Variants in CFAP96 observed in about 807,000 individuals in gnomAD.
The protein encoded by CFAP96 is cilia-and flagella-associated protein 96.
chr4:185,413,784 T>C, the CFAP96 span: 1 of 1,613,620 alleles, frequency 6.2e-7, no homozygotes, highest in South Asian at 1.1e-5. Context: ...AATGTAACCA[T>C]CTTTGTATGG....
At chr4:185,418,464 T>C in the CFAP96 span, 2 of 1,610,666 alleles carry the variant, frequency 1.2e-6, no homozygotes, top group East Asian at 2.2e-5. Flanking sequence ...TTTTTGTCCT[T>C]CTTTCTCATG....
the CFAP96 span, chr4:185,440,671 G>A: frequency 4.7e-6 from 7 of 1,503,330 alleles, no homozygotes; most frequent in South Asian, 4.9e-5. Flanking sequence ...AAGAAGAGAA[G>A]AAGAAAACAA....
chr4:185,439,570 GT>G, the CFAP96 span, among the ~76,000 whole-genome samples: 2 of 151,806 alleles, frequency 1.3e-5, no homozygotes, highest in Admixed American at 1.3e-4. Context: ...TCACTGTATA[GT>G]TTTTTGAATC....
chr4:185,411,540 A>G, the CFAP96 span, among the ~76,000 whole-genome samples: 382 of 152,346 alleles, frequency 2.5e-3, 1 homozygote, highest in Admixed American at 5.5e-3. Context: ...GAGGGGAATA[A>G]AAAATAATGA....
the CFAP96 span, chr4:185,425,987 C>T: frequency 8.5e-7 from 1 of 1,172,032 alleles, no homozygotes; most frequent in African/African-American, 1.5e-5. Context: ...ACTACAACTC[C>T]CGACATGCTC....
At chr4:185,435,063 C>T in the CFAP96 span, among the ~76,000 whole-genome samples, 1 of 152,206 alleles carries the variant, frequency 6.6e-6, no homozygotes, top group East Asian at 1.9e-4. Context: ...GCATTTAATA[C>T]ATTCTAAATA....
chr4:185,425,878 G>A, the CFAP96 span: 7 of 1,602,200 alleles, frequency 4.4e-6, no homozygotes, highest in African/African-American at 8.0e-5. Flanking sequence ...TGTCCGCGAC[G>A]TGGCGGTGAC....
At chr4:185,416,012 G>T in the CFAP96 span, 1 of 600,268 alleles carries the variant, frequency 1.7e-6, no homozygotes, top group Non-Finnish European at 2.7e-6. Flanking sequence ...GGGGGAAAGA[G>T]TAGAGAACAA....
the CFAP96 span, among the ~76,000 whole-genome samples, chr4:185,435,093 C>T: frequency 4.6e-5 from 7 of 152,268 alleles, no homozygotes; most frequent in Admixed American, 2.0e-4. Flanking sequence ...TTAGTGCTTG[C>T]GTTAAATCAC....
chr4:185,436,043 A>T, the CFAP96 span: 1 of 1,516,828 alleles, frequency 6.6e-7, no homozygotes, highest in Non-Finnish European at 8.8e-7. Context: ...AATTGTATTT[A>T]AGATGTGGCT....
chr4:185,409,390 A>G, the CFAP96 span, among the ~76,000 whole-genome samples: 7 of 152,076 alleles, frequency 4.6e-5, no homozygotes, highest in Admixed American at 1.3e-4. Flanking sequence ...GGGTCACACT[A>G]TGTTGCTCAG....
At chr4:185,427,295 C>T in the CFAP96 span, among the ~76,000 whole-genome samples, 1 of 152,150 alleles carries the variant, frequency 6.6e-6, no homozygotes, top group South Asian at 2.1e-4. Flanking sequence ...TAAAGCATCT[C>T]TGATTAATGG....
At chr4:185,434,493 T>A in the CFAP96 span, among the ~76,000 whole-genome samples, 2 of 152,304 alleles carry the variant, frequency 1.3e-5, no homozygotes, top group African/African-American at 4.8e-5. Flanking sequence ...GTGGTAATAA[T>A]TGGAAATTGC....
chr4:185,427,226 C>T, the CFAP96 span, among the ~76,000 whole-genome samples: 4 of 152,314 alleles, frequency 2.6e-5, no homozygotes, highest in East Asian at 1.9e-4. Flanking sequence ...GCCCTTGTGC[C>T]GTGGAGCTTT....
the CFAP96 span, among the ~76,000 whole-genome samples, chr4:185,411,650 T>C: frequency 5.9e-5 from 9 of 152,184 alleles, no homozygotes; most frequent in African/African-American, 2.2e-4. Context: ...ATAATTTTCC[T>C]TGAAATGGTT....
At chr4:185,440,118 A>G in the CFAP96 span, among the ~76,000 whole-genome samples, 1 of 151,930 alleles carries the variant, frequency 6.6e-6, no homozygotes, top group Non-Finnish European at 1.5e-5. Context: ...AATCTTTACA[A>G]CAGCATTAAG....
chr4:185,429,502 C>A, the CFAP96 span: 3 of 1,519,050 alleles, frequency 2.0e-6, no homozygotes, highest in Non-Finnish European at 2.7e-6. Context: ...ATATGTGTCA[C>A]AATTTAATCG....
the CFAP96 span, chr4:185,426,109 T>C: frequency 3.5e-6 from 2 of 578,758 alleles, no homozygotes; most frequent in East Asian, 2.9e-5. Context: ...GTCTTTTCTG[T>C]CCTACAGAAG....
the CFAP96 span, among the ~76,000 whole-genome samples, chr4:185,443,596 G>T: frequency 1.3e-5 from 2 of 150,980 alleles, no homozygotes; most frequent in African/African-American, 4.9e-5. Context: ...TGATCCACCT[G>T]ATTCGGCCTC....
Sources: gnomAD v4.1 joint callset for allele counts (sites outside exome capture counted in the v4.1 genomes callset) on GRCh38, gnomAD v4.1.1 for gene constraint, MANE v1.5 for transcripts, NCBI Gene and HGNC (gene_info 2026-07-23, HGNC 2026-07-21) for gene names.